The following NCKAP5 variants were observed in gnomAD, a reference collection of about 807,000 sequenced individuals.
The protein encoded by NCKAP5 is nck-associated protein 5.
A neutral mutation model predicts 167.0 loss-of-function variants in NCKAP5; 92 were observed. The ratio of observed to expected loss-of-function variants is 0.55; its 90% CI spans 0.47 to 0.66. The LOEUF (loss-of-function observed/expected upper bound fraction) is 0.66, where lower values mean the gene tolerates loss of function less well. NCKAP5 is among the 30% of genes least tolerant of loss of function. The probability of loss-of-function intolerance (pLI) is 0.00; values close to 1 mark genes in which losing one functional copy is unlikely to be tolerated. For missense variants in NCKAP5, 2,378 were observed against 2,315.0 expected (o/e 1.03, Z -0.56); for synonymous variants, 891 against 877.4 (o/e 1.02, Z -0.27).
At chr2:132,818,850 T>C (rs573759764) in intron 11 of NCKAP5, among the ~76,000 whole-genome samples, 2 of 152,230 alleles carry the variant, frequency 1.3e-5, no homozygotes, top group Non-Finnish European at 2.9e-5. Context: ...TTTATCATAT[T>C]ATAGCTGTTG....
At chr2:132,968,244 C>T (rs560103567) in intron 7 of NCKAP5, among the ~76,000 whole-genome samples, 1 of 152,300 alleles carries the variant, frequency 6.6e-6, no homozygotes, top group East Asian at 1.9e-4. Context: ...ATTTTAGAAA[C>T]ATCATCCTGA....
intron 8 of NCKAP5, among the ~76,000 whole-genome samples, chr2:132,914,487 A>G (rs1694707924): frequency 6.6e-6 from 1 of 152,038 alleles, no homozygotes; most frequent in Non-Finnish European, 1.5e-5. Flanking sequence ...AATTCCTGAG[A>G]TAGCCCTGTT....
the NCKAP5 span, among the ~76,000 whole-genome samples, chr2:133,584,996 G>GGAA: frequency 1.5e-3 from 122 of 82,962 alleles, 4 homozygotes; most frequent in East Asian, 9.0e-3. Flanking sequence ...GAAGGAAGGA[G>GGAA]GGAAAGAAAG....
intron 6 of NCKAP5, among the ~76,000 whole-genome samples, chr2:133,126,459 G>A (rs899507480): frequency 2.0e-5 from 3 of 152,212 alleles, no homozygotes; most frequent in African/African-American, 7.2e-5. Context: ...TACCGGAGTA[G>A]TTCCTATTTC....
intron 5 of NCKAP5, among the ~76,000 whole-genome samples, chr2:133,202,424 C>T (rs1011014031): frequency 3.9e-5 from 6 of 152,074 alleles, no homozygotes; most frequent in African/African-American, 1.4e-4. Context: ...GACCTAAAAC[C>T]ATCAAAACCC....
At chr2:133,588,707 G>C in the NCKAP5 span, among the ~76,000 whole-genome samples, 2 of 152,196 alleles carry the variant, frequency 1.3e-5, no homozygotes, top group Non-Finnish European at 2.9e-5. Flanking sequence ...CAAAGTAGTG[G>C]TAAGTATCAT....
At chr2:132,830,615 C>T (rs1004684846) in intron 11 of NCKAP5, among the ~76,000 whole-genome samples, 2 of 152,150 alleles carry the variant, frequency 1.3e-5, no homozygotes, top group African/African-American at 4.8e-5. Context: ...CTATTGCATA[C>T]TTGCATATCC....
rs79298219 is a variant in NCKAP5 at position 133,000,372 on chromosome 2, C to T, written c.342-6133G>A. On this transcript the variant is annotated intron_variant, in intron 6 of 19. Transcript: ENST00000409261. ...CATCCCTCCCTTACCCTAGGCTTCC[C>T]TCCTAGGAAACCTGACACAACACAG... Among the ~76,000 whole-genome samples, 146 of 152,214 alleles carry T rather than the reference C, an allele frequency of 9.6e-4. No homozygotes were observed. The East Asian group carries it at 0.026, about 27-fold the overall frequency.
At chr2:133,172,712 A>T (rs2084300226) in intron 5 of NCKAP5, among the ~76,000 whole-genome samples, 1 of 152,054 alleles carries the variant, frequency 6.6e-6, no homozygotes, top group Admixed American at 6.5e-5. Flanking sequence ...CAGTGGCACA[A>T]TCTGGGCTCA....
intron 5 of NCKAP5, among the ~76,000 whole-genome samples, chr2:133,189,279 G>A (rs987293905): frequency 6.6e-6 from 1 of 151,900 alleles, no homozygotes; most frequent in Non-Finnish European, 1.5e-5. Context: ...CTCTGAAATT[G>A]AGGCAATAAT....
intron 6 of NCKAP5, among the ~76,000 whole-genome samples, chr2:133,120,449 T>G (rs1384436138): frequency 6.6e-6 from 1 of 152,222 alleles, no homozygotes; most frequent in African/African-American, 2.4e-5. Flanking sequence ...GCACTGCCTA[T>G]GGACCATAAA....
chr2:133,397,094 A>G (rs1324056553), intron 3 of NCKAP5, among the ~76,000 whole-genome samples: 1 of 152,258 alleles, frequency 6.6e-6, no homozygotes, highest in Non-Finnish European at 1.5e-5. Flanking sequence ...ACCAAAGCAT[A>G]ACACAACATA....
At chr2:133,280,350 C>A (rs1466470573) in intron 4 of NCKAP5, among the ~76,000 whole-genome samples, 1 of 152,160 alleles carries the variant, frequency 6.6e-6, no homozygotes, top group Non-Finnish European at 1.5e-5. Context: ...TCATTATTGA[C>A]CCCTTAACCC....
chr2:133,207,703 G>T (rs1412644321), intron 5 of NCKAP5, among the ~76,000 whole-genome samples: 1 of 152,120 alleles, frequency 6.6e-6, no homozygotes, highest in Admixed American at 6.6e-5. Flanking sequence ...ATGTCAAAAA[G>T]ACCAAAAGCT....
chr2:133,024,230 G>C (rs1559061701), intron 6 of NCKAP5, among the ~76,000 whole-genome samples: 1 of 152,136 alleles, frequency 6.6e-6, no homozygotes, highest in Non-Finnish European at 1.5e-5. Flanking sequence ...AGAAGTTAAT[G>C]TCATCACCTA....
chr2:133,397,409 T>G (rs1687798925), intron 3 of NCKAP5, among the ~76,000 whole-genome samples: 1 of 152,218 alleles, frequency 6.6e-6, no homozygotes, highest in African/African-American at 2.4e-5. Flanking sequence ...TGAAAATATT[T>G]TCTGAAGACA....
At chr2:133,000,171 G>A (rs1323021734) in intron 6 of NCKAP5, among the ~76,000 whole-genome samples, 1 of 152,142 alleles carries the variant, frequency 6.6e-6, no homozygotes, top group Non-Finnish European at 1.5e-5. Context: ...AGCTGCTGCT[G>A]AAACTTGCAA....
At chr2:132,970,632 T>C (rs910451145) in intron 7 of NCKAP5, among the ~76,000 whole-genome samples, 1 of 152,202 alleles carries the variant, frequency 6.6e-6, no homozygotes, top group Non-Finnish European at 1.5e-5. Flanking sequence ...TATATTAAAT[T>C]TCACCTTGTC....
intron 5 of NCKAP5, among the ~76,000 whole-genome samples, chr2:133,173,404 T>C (rs1252054321): frequency 6.6e-6 from 1 of 152,216 alleles, no homozygotes; most frequent in Non-Finnish European, 1.5e-5. Flanking sequence ...CCCTGACTTG[T>C]GAACTTTCAT....
Sources: gnomAD v4.1 joint callset for allele counts (sites outside exome capture counted in the v4.1 genomes callset) on GRCh38, gnomAD v4.1.1 for gene constraint, MANE v1.5 for transcripts, NCBI Gene and HGNC (gene_info 2026-07-23, HGNC 2026-07-21) for gene names.